SCN1A: variants seen among roughly 807,000 people sequenced by gnomAD.
SCN1A encodes the protein sodium voltage-gated channel alpha subunit 1.
In SCN1A, 13 loss-of-function variants were observed where a neutral mutation model predicts 193.7. The observed-to-expected ratio is 0.07, with a 90% confidence interval of 0.04 to 0.11. The LOEUF (loss-of-function observed/expected upper bound fraction) is 0.11. Ranked by LOEUF, SCN1A falls within the 10% of genes least tolerant of loss-of-function variation. The probability of loss-of-function intolerance (pLI) is 1.00; values close to 1 mark genes in which losing one functional copy is unlikely to be tolerated. For synonymous variants in SCN1A, 781 were observed against 843.6 expected (o/e 0.93, Z 1.29); for missense variants, 1,432 against 2,451.1 (o/e 0.58, Z 8.78).
intron 28 of SCN1A, chr2:165,993,330 T>G (rs1018733748): frequency 3.3e-5 from 5 of 152,062 alleles, no homozygotes; most frequent in Non-Finnish European, 5.9e-5. Context: ...GAGCTGGATA[T>G]AAGGCCAGTT....
intron 19 of SCN1A, among the ~76,000 whole-genome samples, chr2:166,023,888 G>A (rs1275680234): frequency 6.6e-6 from 1 of 151,706 alleles, no homozygotes; most frequent in African/African-American, 2.4e-5. Context: ...CGATTCCCCT[G>A]CCTCAGCCTC....
At chr2:166,076,399 AAAT>A (rs1288370663) in intron 3 of SCN1A, among the ~76,000 whole-genome samples, 1 of 152,014 alleles carries the variant, frequency 6.6e-6, no homozygotes, top group East Asian at 1.9e-4. Context: ...AAGAACAACT[AAAT>A]AAATGCAGAG....
At chr2:166,134,926 C>T (rs16851603) in intron 1 of SCN1A, among the ~76,000 whole-genome samples, 39,086 of 151,932 alleles carry the variant, frequency 0.26, 5,259 homozygotes, top group Admixed American at 0.37. Flanking sequence ...TCTATTGCCA[C>T]AGGAGGATAA....
intron 2 of SCN1A, among the ~76,000 whole-genome samples, chr2:166,102,235 G>A (rs961255187): frequency 6.6e-6 from 1 of 152,152 alleles, no homozygotes; most frequent in African/African-American, 2.4e-5. Flanking sequence ...GGTGACTCGC[G>A]CCTGCAATCC....
At chr2:166,020,087 T>C (rs1693829109) in intron 19 of SCN1A, among the ~76,000 whole-genome samples, 1 of 151,988 alleles carries the variant, frequency 6.6e-6, no homozygotes, top group Non-Finnish European at 1.5e-5. Flanking sequence ...ATTTTTTGTA[T>C]TTTTAGTAGA....
At chr2:166,080,299 G>A (rs576343595) in intron 2 of SCN1A, among the ~76,000 whole-genome samples, 1 of 151,818 alleles carries the variant, frequency 6.6e-6, no homozygotes, top group Non-Finnish European at 1.5e-5. Context: ...TAAATATTTG[G>A]TTACATAGAG....
chr2:165,994,117 T>G (rs779180354), intron 28 of SCN1A, 29 bp downstream of exon 28: 4 of 1,542,976 alleles, frequency 2.6e-6, no homozygotes, highest in Non-Finnish European at 2.7e-6. Context: ...TTTATTTAAC[T>G]GAATTTAAGA....
intron 6 of SCN1A, among the ~76,000 whole-genome samples, chr2:166,055,192 G>T (rs1395268437): frequency 6.8e-6 from 1 of 147,272 alleles, no homozygotes; most frequent in African/African-American, 2.5e-5. Flanking sequence ...ATTAGCACGT[G>T]TTTTTTTTTT....
chr2:166,005,539 A>AT (rs1433940000), intron 23 of SCN1A, among the ~76,000 whole-genome samples: 1 of 151,058 alleles, frequency 6.6e-6, no homozygotes, highest in African/African-American at 2.4e-5. Flanking sequence ...GAAAAGTTTT[A>AT]TTTTTTTTGT....
rs551067105 is a variant in SCN1A, at chr2:165,991,092, G to T, written c.*153C>A. ...CAGAGTCACAGTTTGCTGACAAGGG[G>T]TCACTGTCTTATTGTAGGCACTGAC... On this transcript the variant is annotated 3_prime_UTR_variant, in exon 29 of 29. Transcript: ENST00000674923. The T allele has an allele frequency of 7.5e-6, 5 of 664,586 alleles. No individual in the cohort carries two copies. In the Admixed American group the frequency reaches 1.4e-4, roughly 19 times the overall value. The allele number at this position is 664,586 out of a possible 1,614,324, so 41.2% of individuals were successfully genotyped here. A position where few individuals can be genotyped will look rare whatever the true frequency, so the allele number is the denominator to read the frequency against.
intron 2 of SCN1A, among the ~76,000 whole-genome samples, chr2:166,079,427 T>C (rs1045990018): frequency 4.1e-5 from 6 of 147,508 alleles, no homozygotes; most frequent in African/African-American, 1.5e-4. Flanking sequence ...TTCTACTTAT[T>C]TGCACTTATC....
At chr2:166,087,589 C>A (rs1686279579) in intron 2 of SCN1A, among the ~76,000 whole-genome samples, 2 of 151,956 alleles carry the variant, frequency 1.3e-5, no homozygotes, top group Non-Finnish European at 2.9e-5. Flanking sequence ...CTGAGGCCCT[C>A]AATAGAAGCT....
At chr2:166,088,311 C>G (rs1046744592) in intron 2 of SCN1A, among the ~76,000 whole-genome samples, 7 of 152,074 alleles carry the variant, frequency 4.6e-5, no homozygotes, top group African/African-American at 1.7e-4. Flanking sequence ...ATATAAAGTT[C>G]AATGCATGTC....
At position 166,038,022 on chromosome 2, in the gene SCN1A, G is replaced by A. The variant is rs747722810; in HGVS notation, c.2700C>T (p.Ile900=). 5.6e-6 allele frequency: 9 copies of A among 1,614,214 alleles called. No individual in the cohort carries two copies. Among genetic ancestry groups the A allele is most frequent in the South Asian group, 1.1e-5 (1 of 91,086 alleles). ...TGCCGACCACGGCAAAAATGAAGAC[G>A]ATGATGGCCAAGACGAGGGTTAAAT... is the stretch of plus-strand genomic sequence containing the variant. The part of the protein sequence containing the change: ...LGNLTLVLAI[I]VFIFAVVGMQ... Residue 900 remains isoleucine (I), a synonymous_variant, in exon 18 of 29, where the codon ATC becomes ATT. Transcript: ENST00000674923.
At chr2:166,119,192 G>T (rs1469371047) in intron 2 of SCN1A, among the ~76,000 whole-genome samples, 1 of 152,064 alleles carries the variant, frequency 6.6e-6, no homozygotes, top group African/African-American at 2.4e-5. Flanking sequence ...CAGGGTTTGG[G>T]GACCCTTAAT....
chr2:166,106,777 T>C (rs1258488798), intron 2 of SCN1A, among the ~76,000 whole-genome samples: 2 of 152,112 alleles, frequency 1.3e-5, no homozygotes, highest in African/African-American at 4.8e-5. Context: ...TTGCTAATGA[T>C]CGAAGTAAAA....
At chr2:166,012,070 G>C in intron 22 of SCN1A, 39 bp downstream of exon 22, 1 of 1,581,992 alleles carries the variant, frequency 6.3e-7, no homozygotes, top group East Asian at 2.2e-5. Context: ...AATAAGACAA[G>C]CTACCTTGAA....
intron 19 of SCN1A, among the ~76,000 whole-genome samples, chr2:166,030,817 T>C (rs1390832185): frequency 1.3e-5 from 2 of 152,110 alleles, no homozygotes; most frequent in African/African-American, 4.8e-5. Flanking sequence ...AGCATTGTGG[T>C]AGGTGCTTCG....
At chr2:166,080,466 A>T (rs1385349996) in intron 2 of SCN1A, among the ~76,000 whole-genome samples, 1 of 151,884 alleles carries the variant, frequency 6.6e-6, no homozygotes, top group Non-Finnish European at 1.5e-5. Flanking sequence ...AAGAAAAAGT[A>T]ACAAAGTGCA....
Sources: gnomAD v4.1 joint callset for allele counts (sites outside exome capture counted in the v4.1 genomes callset) on GRCh38, gnomAD v4.1.1 for gene constraint, MANE v1.5 for transcripts, NCBI Gene and HGNC (gene_info 2026-07-23, HGNC 2026-07-21) for gene names.